GRM8: variants seen among roughly 807,000 people sequenced by gnomAD.
GRM8 encodes the protein metabotropic glutamate receptor 8.
Under a neutral mutation model 87.2 loss-of-function variants are expected in GRM8, and 47 were observed. The ratio of observed to expected loss-of-function variants is 0.54; its 90% CI spans 0.43 to 0.69. The LOEUF (loss-of-function observed/expected upper bound fraction) is 0.69, where lower values mean the gene tolerates loss of function less well. Ranked by LOEUF, GRM8 falls within the 30% of genes least tolerant of loss-of-function variation. The pLI is 0.00. For missense variants in GRM8, 1,019 were observed against 1,139.2 expected, an observed-to-expected ratio of 0.89 and a Z score of 1.52; for synonymous variants, 396 against 404.5, an observed-to-expected ratio of 0.98 and a Z score of 0.25.
At chr7:126,723,889 A>G (rs774340310) in intron 7 of GRM8, among the ~76,000 whole-genome samples, 1 of 152,150 alleles carries the variant, frequency 6.6e-6, no homozygotes, top group Non-Finnish European at 1.5e-5. Flanking sequence ...CAGAAATAAC[A>G]AGAAGGAAAA....
intron 6 of GRM8, among the ~76,000 whole-genome samples, chr7:126,887,246 A>G (rs1292003666): frequency 1.3e-5 from 2 of 152,128 alleles, no homozygotes; most frequent in Admixed American, 1.3e-4. Flanking sequence ...AAATTGAATA[A>G]TAAGACTGTG....
intron 2 of GRM8, among the ~76,000 whole-genome samples, chr7:127,230,980 G>A (rs11563676): frequency 0.078 from 11,791 of 152,096 alleles, 687 homozygotes; most frequent in African/African-American, 0.16. Context: ...CTTTTTACAC[G>A]GTTTTATATT....
intron 8 of GRM8, among the ~76,000 whole-genome samples, chr7:126,545,339 G>A (rs1817028361): frequency 6.6e-6 from 1 of 152,194 alleles, no homozygotes; most frequent in Admixed American, 6.5e-5. Context: ...TATTGAAGTA[G>A]AATAATCTTT....
At chr7:127,121,344 G>A (rs926782998) in intron 2 of GRM8, among the ~76,000 whole-genome samples, 2 of 152,102 alleles carry the variant, frequency 1.3e-5, no homozygotes, top group Non-Finnish European at 2.9e-5. Context: ...GAAATAGAGG[G>A]AGAGAATAGT....
rs576040249 is a variant in GRM8 at position 126,492,239 on chromosome 7, C to T, written c.2430+40713G>A. On this transcript the variant is annotated intron_variant, in intron 9 of 10. Transcript: ENST00000339582. ...ATAATTTTTGTATCTTTTTTAGAGA[C>T]GGGGTTTCGCCACGTTGCCCAGGCT... 2.6e-5 allele frequency among the ~76,000 whole-genome samples: 4 copies of T among 151,806 alleles called. No homozygotes were observed. In the East Asian group the frequency reaches 5.9e-4, roughly 22 times the overall value.
intron 9 of GRM8, among the ~76,000 whole-genome samples, chr7:126,481,522 G>C (rs1027249144): frequency 6.6e-6 from 1 of 151,986 alleles, no homozygotes; most frequent in Admixed American, 6.6e-5. Flanking sequence ...ACAAAGATAA[G>C]AGTGTATTAT....
chr7:127,021,186 C>A (rs919140706), intron 3 of GRM8, among the ~76,000 whole-genome samples: 1 of 151,752 alleles, frequency 6.6e-6, no homozygotes, highest in Non-Finnish European at 1.5e-5. Flanking sequence ...ACACAGAGAC[C>A]AAAAGAAACA....
intron 2 of GRM8, among the ~76,000 whole-genome samples, chr7:127,170,841 G>A (rs1483258755): frequency 6.6e-6 from 1 of 152,124 alleles, no homozygotes; most frequent in Non-Finnish European, 1.5e-5. Flanking sequence ...GGACTCAGGG[G>A]AAAGGGTGGG....
intron 3 of GRM8, among the ~76,000 whole-genome samples, chr7:127,064,063 G>C (rs1381048250): frequency 6.6e-6 from 1 of 152,214 alleles, no homozygotes; most frequent in East Asian, 1.9e-4. Flanking sequence ...TGATTTTAGA[G>C]TATGTGCCAT....
At chr7:126,967,391 G>A (rs532302249) in intron 3 of GRM8, among the ~76,000 whole-genome samples, 31 of 152,194 alleles carry the variant, frequency 2.0e-4, no homozygotes, top group Middle Eastern at 3.4e-3. Flanking sequence ...TTCCTCCTAT[G>A]ACTCACATCA....
intron 7 of GRM8, among the ~76,000 whole-genome samples, chr7:126,716,585 T>C (rs961358749): frequency 5.9e-5 from 9 of 152,092 alleles, no homozygotes; most frequent in African/African-American, 2.2e-4. Flanking sequence ...CTATGAAATG[T>C]TGGTTTTCAC....
At chr7:127,026,672 C>A (rs1816810550) in intron 3 of GRM8, among the ~76,000 whole-genome samples, 1 of 152,082 alleles carries the variant, frequency 6.6e-6, no homozygotes, top group Admixed American at 6.5e-5. Flanking sequence ...TGTTCATATC[C>A]TTTGCCCACT....
At chr7:126,813,451 C>T (rs1793485004) in intron 6 of GRM8, among the ~76,000 whole-genome samples, 1 of 152,002 alleles carries the variant, frequency 6.6e-6, no homozygotes, top group Non-Finnish European at 1.5e-5. Flanking sequence ...CTCTGGCACC[C>T]CCAATGAGGA....
At chr7:126,617,552 A>C (rs1394801448) in intron 7 of GRM8, among the ~76,000 whole-genome samples, 1 of 152,162 alleles carries the variant, frequency 6.6e-6, no homozygotes, top group African/African-American at 2.4e-5. Context: ...GAAAGAAATA[A>C]AGGGTATTCA....
chr7:126,673,152 C>T (rs1379261583), intron 7 of GRM8, among the ~76,000 whole-genome samples: 1 of 152,120 alleles, frequency 6.6e-6, no homozygotes, highest in Non-Finnish European at 1.5e-5. Flanking sequence ...ATTCAAACAA[C>T]CTGTCAGGAA....
At chr7:126,602,204 G>T (rs1283212828) in intron 8 of GRM8, among the ~76,000 whole-genome samples, 204 of 143,108 alleles carry the variant, frequency 1.4e-3, no homozygotes, top group Non-Finnish European at 2.1e-3. Context: ...TTTCCCCATT[G>T]CTTGTTTTTC....
intron 6 of GRM8, among the ~76,000 whole-genome samples, chr7:126,814,319 T>C (rs1486799437): frequency 6.6e-6 from 1 of 152,102 alleles, no homozygotes; most frequent in Non-Finnish European, 1.5e-5. Context: ...TAGAAAAAAC[T>C]GTTCTTGAAC....
intron 7 of GRM8, among the ~76,000 whole-genome samples, chr7:126,652,292 T>C (rs1209887794): frequency 6.6e-6 from 1 of 151,208 alleles, no homozygotes; most frequent in Admixed American, 6.6e-5. Flanking sequence ...AATTATGACC[T>C]TATTATTGTC....
chr7:126,779,837 CAACACGG>C (rs1391093893), intron 6 of GRM8, among the ~76,000 whole-genome samples: 1 of 152,114 alleles, frequency 6.6e-6, no homozygotes, highest in Admixed American at 6.5e-5. Context: ...CTCTTCTACA[CAACACGG>C]AAAAATATAA....
Sources: allele counts gnomAD v4.1 joint callset (sites outside exome capture counted in the v4.1 genomes callset), GRCh38; gene constraint gnomAD v4.1.1; transcripts MANE v1.5; gene names NCBI Gene and HGNC (gene_info 2026-07-23, HGNC 2026-07-21).